KMT2C: variants seen among roughly 807,000 people sequenced by gnomAD.
KMT2C encodes the protein lysine methyltransferase 2C.
A neutral mutation model predicts 507.9 loss-of-function variants in KMT2C; 88 were observed. The observed-to-expected ratio is 0.17, with a 90% CI of 0.15 to 0.21. The LOEUF (loss-of-function observed/expected upper bound fraction) is 0.21. Among genes scored for constraint, KMT2C ranks in the 10% least tolerant of loss-of-function variants. The pLI is 1.00. For missense variants in KMT2C, 4,954 were observed against 5,957.8 expected, an observed-to-expected ratio of 0.83 and a Z score of 5.55; for synonymous variants, 2,049 against 2,080.8, an observed-to-expected ratio of 0.98 and a Z score of 0.42.
At chr7:152,140,441 G>A (rs372079535) in intron 55 of KMT2C, among the ~76,000 whole-genome samples, 18 of 152,352 alleles carry the variant, frequency 1.2e-4, no homozygotes, top group East Asian at 1.2e-3. Context: ...TTGTACTCCC[G>A]TGCTGGTGGC....
At chr7:152,316,438 AGAC>A (rs1336460274) in intron 3 of KMT2C, among the ~76,000 whole-genome samples, 4 of 152,170 alleles carry the variant, frequency 2.6e-5, no homozygotes, top group African/African-American at 9.7e-5. Flanking sequence ...AAAAATTAAG[AGAC>A]AACAATCAAT....
intron 2 of KMT2C, among the ~76,000 whole-genome samples, chr7:152,332,222 T>C (rs998851697): frequency 1.3e-5 from 2 of 152,242 alleles, no homozygotes; most frequent in Middle Eastern, 3.4e-3. Flanking sequence ...CACACACCAC[T>C]ACCCCTAACA....
In KMT2C at chr7:152,205,101, T is replaced by C. The variant is rs753107956; in HGVS notation, c.3961+5A>G. On this transcript the variant is annotated splice_donor_5th_base_variant and intron_variant, in intron 25 of 58. Coordinates refer to ENST00000262189, the MANE Select transcript of KMT2C (RefSeq NM_170606.3). ...AAAAAATTTTTTTTTAAGTCAGTACTATACCATCATCTCTGCAAGGTAACT... is the reference window on the plus strand; with the variant it reads ...AAAAAATTTTTTTTTAAGTCAGTACCATACCATCATCTCTGCAAGGTAACT... 2 of 1,605,496 alleles carry C rather than the reference T, an allele frequency of 1.2e-6. No individual in the cohort carries two copies. The highest frequency in any genetic ancestry group is 2.2e-5 in the East Asian group (1 of 44,510).
chr7:152,314,334 A>C (rs1009093000), intron 4 of KMT2C, among the ~76,000 whole-genome samples: 9 of 152,188 alleles, frequency 5.9e-5, no homozygotes, highest in African/African-American at 2.2e-4. Context: ...AGGCAGTGTT[A>C]GCTTTGCAAG....
rs2097253523 is a variant in KMT2C, at chr7:152,367,102, G to T, written c.162-8427C>A. 4 of 857,558 alleles carry T rather than the reference G, an allele frequency of 4.7e-6. No individual in the cohort carries two copies. In the South Asian group the frequency reaches 5.9e-5, roughly 13 times the overall value. 53.1% of individuals were successfully genotyped at this position (857,558 alleles called of 1,614,324 possible). ...TGTGCTGCATTTTTATCCAGAGAAG[G>T]AACAGGAAGAGAAGAGTGTGGTCTC... On this transcript the variant is annotated intron_variant, in intron 1 of 58. Coordinates refer to ENST00000262189, the MANE Select transcript of KMT2C (RefSeq NM_170606.3).
rs375210399 is a variant in KMT2C at position 152,414,850 on chromosome 7, CT to C, written c.161+20775del. 3.0e-3 allele frequency among the ~76,000 whole-genome samples: 414 copies of C among 140,024 alleles called. 2 individuals are homozygous for C. Among genetic ancestry groups the C allele is most frequent in the African/African-American group, 9.7e-3 (374 of 38,362 alleles). The allele number at this position is 140,024 out of a possible 152,430, so 91.9% of individuals were successfully genotyped here. A position where few individuals can be genotyped will look rare whatever the true frequency, so the allele number is the denominator to read the frequency against. On this transcript the variant is annotated intron_variant, in intron 1 of 58. Transcript: ENST00000262189. ...AAGTTAACTTCTCAATACTTTCTTTCTTTTTTTTTTTCTTTTTGAGACAGGG... is the reference window on the plus strand; with the variant it reads ...AAGTTAACTTCTCAATACTTTCTTTCTTTTTTTTTTCTTTTTGAGACAGGG...
Position 152,152,782 on chromosome 7 carries a change from C to G in KMT2C, c.12449G>C (p.Gly4150Ala). ...CACTAATCTGGGAGGGTTTGCAGAT[C>G]CTGGCGGAGGCCCACGGAGAAGTAA... ...QHLLLRGPPP[G>A]SANPPRLVSS... Residue 4150 changes from glycine to alanine, a missense_variant, in exon 49 of 59, where the codon GGA becomes GCA. By Grantham distance (60) the Gly-to-Ala change is moderately conservative (BLOSUM62 0). Around this residue, in one of 29 missense-constraint regions of KMT2C, gnomAD observed 417 missense variants for 461.1 expected, o/e 0.90. Coordinates refer to ENST00000262189, the MANE Select transcript of KMT2C (RefSeq NM_170606.3). 1 of 1,614,156 alleles carries G rather than the reference C, an allele frequency of 6.2e-7. No individual in the cohort carries two copies. Among genetic ancestry groups the G allele is most frequent in the South Asian group, 1.1e-5 (1 of 91,070 alleles).
At position 152,393,819 on chromosome 7, in the gene KMT2C, G is replaced by A. The variant is rs1348893004; in HGVS notation, c.162-35144C>T. ...AGGCAGGAGAATCGCTTGAACCCAG[G>A]AGGCAGAGGATGCAGTGCAGTGAGC... On this transcript the variant is annotated intron_variant, in intron 1 of 58. Coordinates refer to ENST00000262189, the MANE Select transcript of KMT2C (RefSeq NM_170606.3). Among the ~76,000 whole-genome samples the A allele has an allele frequency of 2.7e-5, 4 of 149,908 alleles. No individual in the cohort carries two copies. The East Asian group carries it at 7.9e-4, about 29-fold the overall frequency.
chr7:152,385,284 G>A (rs985462347), intron 1 of KMT2C, among the ~76,000 whole-genome samples: 3 of 151,118 alleles, frequency 2.0e-5, no homozygotes, highest in Admixed American at 6.6e-5. Flanking sequence ...ACACTTAATC[G>A]CAATAAGTAA....
intron 2 of KMT2C, among the ~76,000 whole-genome samples, chr7:152,350,153 G>A (rs968267806): frequency 3.3e-5 from 5 of 152,140 alleles, no homozygotes; most frequent in African/African-American, 1.2e-4. Context: ...GGGAGGCTGA[G>A]GCAGGAGAAT....
chr7:152,368,888 ATTTTCT>A (rs1446692304), intron 1 of KMT2C, among the ~76,000 whole-genome samples: 3 of 151,892 alleles, frequency 2.0e-5, no homozygotes, highest in Admixed American at 2.0e-4. Context: ...CCTTTCCTAC[ATTTTCT>A]TTTTCTTTTT....
At chr7:152,219,267 G>C (rs568423264) in intron 23 of KMT2C, among the ~76,000 whole-genome samples, 1 of 148,866 alleles carries the variant, frequency 6.7e-6, no homozygotes, top group Non-Finnish European at 1.5e-5. Context: ...ACTGCGCCTG[G>C]CCAGGCAATT....
chr7:152,333,930 AAATTGAT>A (rs1419724448), intron 2 of KMT2C, among the ~76,000 whole-genome samples: 15 of 152,332 alleles, frequency 9.8e-5, no homozygotes, highest in South Asian at 8.3e-4. Flanking sequence ...TCCCGAGACA[AAATTGAT>A]AAAGTATCTA....
chr7:152,213,766 A>C (rs1471882337), intron 23 of KMT2C, among the ~76,000 whole-genome samples: 4 of 151,728 alleles, frequency 2.6e-5, no homozygotes, highest in Non-Finnish European at 5.9e-5. Flanking sequence ...AAAAAAAAAA[A>C]CACCGGGGTG....
chr7:152,147,366 C>T (rs1314264998), intron 52 of KMT2C, among the ~76,000 whole-genome samples: 1 of 152,018 alleles, frequency 6.6e-6, no homozygotes, highest in Non-Finnish European at 1.5e-5. Flanking sequence ...GTCATTCCTG[C>T]CTTCTAGAAA....
chr7:152,348,029 A>T (rs1199798508), intron 2 of KMT2C, among the ~76,000 whole-genome samples: 1 of 152,222 alleles, frequency 6.6e-6, no homozygotes. Context: ...TACAGATCCC[A>T]TGGAATCTTA....
intron 7 of KMT2C, 94 bp downstream of exon 7, chr7:152,273,611 T>C: frequency 2.0e-6 from 3 of 1,495,992 alleles, no homozygotes; most frequent in Non-Finnish European, 1.8e-6. Context: ...TACCTTTTAA[T>C]ACAAGTAGAA....
At chr7:152,263,650 G>C (rs371194048) in intron 8 of KMT2C, among the ~76,000 whole-genome samples, 1 of 152,122 alleles carries the variant, frequency 6.6e-6, no homozygotes. Flanking sequence ...AGATTACTGC[G>C]AGAATTAAAG....
chr7:152,382,308 T>G (rs1483580159), intron 1 of KMT2C, among the ~76,000 whole-genome samples: 5 of 152,158 alleles, frequency 3.3e-5, no homozygotes, highest in Non-Finnish European at 5.9e-5. Flanking sequence ...TCTATAAACA[T>G]GAGAGATAAC....
Sources: gnomAD v4.1 joint callset for allele counts (sites outside exome capture counted in the v4.1 genomes callset) on GRCh38, gnomAD v4.1.1 for gene constraint, gnomAD v4.1.1 regional missense constraint, MANE v1.5 for transcripts, NCBI Gene and HGNC (gene_info 2026-07-23, HGNC 2026-07-21) for gene names.